Variants in STOX2 observed in about 807,000 individuals in gnomAD.
STOX2 encodes storkhead-box protein 2.
Under a neutral mutation model 60.9 loss-of-function variants are expected in STOX2, and 28 were observed. The observed-to-expected ratio is 0.46, with a 90% CI of 0.34 to 0.63. The LOEUF is 0.63. STOX2 is among the 30% of genes least tolerant of loss of function. The pLI is 0.01. For synonymous variants in STOX2, 472 were observed against 463.9 expected (o/e 1.02, Z -0.22); for missense variants, 1,024 against 1,187.7 (o/e 0.86, Z 2.03).
rs1739295211 is a variant in STOX2 at position 183,821,150 on chromosome 4, T to G, written c.364+23095T>G. On this transcript the variant is annotated intron_variant, in intron 1 of 2. Transcript: ENST00000513034. The surrounding 1 kb of genome is among the most constrained non-coding windows in gnomAD (Gnocchi z 4.2). Reference sequence around the variant, plus strand: ...AAAAAGAAAAAAGAGATTTTTCTCTTCACGGTTCTGTTGAGTTCCTGGCCC... The same window carrying G: ...AAAAAGAAAAAAGAGATTTTTCTCTGCACGGTTCTGTTGAGTTCCTGGCCC... 6.6e-6 allele frequency among the ~76,000 whole-genome samples: 1 copy of G among 152,178 alleles called. No individual in the cohort carries two copies. The highest frequency in any genetic ancestry group is 2.4e-5 in the African/African-American group (1 of 41,432).
In STOX2 at chr4:184,010,128, C is replaced by G. The variant is rs758763049; in HGVS notation, c.1290C>G (p.Leu430=). ...NFIMHSNTNV[L]ESHFPMTPEW... ...TCATGCACAGCAACACAAACGTGCT[C>G]GAGTCCCACTTCCCCATGACACCAG... Residue 430 remains leucine, a synonymous_variant, in exon 3 of 4, where the codon CTC becomes CTG. Transcript: ENST00000308497. This position sits in a 1 kb window ranked among gnomAD's most constrained non-coding sequence, Gnocchi z 4.5. 43 of 1,576,484 alleles carry G rather than the reference C, an allele frequency of 2.7e-5. No homozygotes were observed. Among genetic ancestry groups the G allele is most frequent in the Non-Finnish European group, 3.5e-5 (41 of 1,160,604 alleles).
intron 1 of STOX2, among the ~76,000 whole-genome samples, chr4:183,869,929 G>A (rs1391739275): frequency 6.6e-6 from 1 of 152,054 alleles, no homozygotes; most frequent in East Asian, 1.9e-4. Flanking sequence ...CCAAGGAATG[G>A]GCGGGACCAA....
chr4:183,939,932 C>G (rs892747730), intron 1 of STOX2, among the ~76,000 whole-genome samples: 6 of 152,206 alleles, frequency 3.9e-5, no homozygotes, highest in Admixed American at 3.3e-4. Flanking sequence ...TTAATGGAAT[C>G]TCGCTCTGTC....
chr4:183,904,120 G>A (rs1741527117), upstream of STOX2, among the ~76,000 whole-genome samples: 1 of 152,152 alleles, frequency 6.6e-6, no homozygotes. Flanking sequence ...AATAGGGTTC[G>A]TGCTCCTGTG....
At chr4:183,843,987 T>A (rs1029570515) in intron 1 of STOX2, among the ~76,000 whole-genome samples, 1 of 152,240 alleles carries the variant, frequency 6.6e-6, no homozygotes, top group Non-Finnish European at 1.5e-5. Context: ...TACTTTTCTT[T>A]AATGTTACTT....
At chr4:183,895,816 T>C (rs1291448701) in intron 1 of STOX2, among the ~76,000 whole-genome samples, 2 of 152,196 alleles carry the variant, frequency 1.3e-5, no homozygotes, top group Non-Finnish European at 2.9e-5. Flanking sequence ...GACATTTTTG[T>C]AGGGTGTTGT....
At chr4:183,886,324 G>GAGGGTGAAGGTTCC (rs1276420829) in intron 1 of STOX2, among the ~76,000 whole-genome samples, 5 of 148,494 alleles carry the variant, frequency 3.4e-5, no homozygotes, top group Non-Finnish European at 3.0e-5. Context: ...GCAAGATCAG[G>GAGGGTGAAGGTTCC]GTCACTAGGA....
chr4:183,989,496 C>G (rs1733006405), intron 1 of STOX2, among the ~76,000 whole-genome samples: 1 of 152,132 alleles, frequency 6.6e-6, no homozygotes, highest in Non-Finnish European at 1.5e-5. Flanking sequence ...GCCACTGTGC[C>G]CGGCCTCGAC....
chr4:183,957,357 C>G (rs1743281100), intron 1 of STOX2, among the ~76,000 whole-genome samples: 1 of 152,024 alleles, frequency 6.6e-6, no homozygotes, highest in Non-Finnish European at 1.5e-5. Context: ...TTTCCAACAG[C>G]CTTTGACCCT....
chr4:183,993,070 A>G (rs969800128), intron 1 of STOX2, among the ~76,000 whole-genome samples: 7 of 152,148 alleles, frequency 4.6e-5, no homozygotes, highest in Non-Finnish European at 8.8e-5. Context: ...GTCAGGAATC[A>G]CCTCTGGCGG....
chr4:183,860,813 A>C lies in STOX2; in HGVS notation c.364+62758A>C, dbSNP rs546338860. ...CCCCCTGTATGAAAAACACTGGGGG[A>C]ATCTCTCAGACACACGGAAGGAAAA... On this transcript the variant is annotated intron_variant, in intron 1 of 2. Coordinates refer to the STOX2 transcript ENST00000513034. Among the ~76,000 whole-genome samples the C allele has an allele frequency of 6.6e-5, 10 of 152,222 alleles. No homozygotes were observed. In the South Asian group the frequency reaches 2.1e-3, roughly 32 times the overall value.
intron 1 of STOX2, among the ~76,000 whole-genome samples, chr4:183,896,434 C>G (rs1014918896): frequency 1.3e-5 from 2 of 152,158 alleles, no homozygotes; most frequent in Non-Finnish European, 2.9e-5. Context: ...CCTCCATCTC[C>G]CAGACTCAAG....
intron 1 of STOX2, among the ~76,000 whole-genome samples, chr4:183,995,954 G>A (rs1410966092): frequency 6.6e-6 from 1 of 152,060 alleles, no homozygotes; most frequent in African/African-American, 2.4e-5. Context: ...CATCCACCCG[G>A]CTACTCTTTC....
chr4:183,916,510 G>C (rs938469788), intron 1 of STOX2, among the ~76,000 whole-genome samples: 1 of 152,100 alleles, frequency 6.6e-6, no homozygotes, highest in Non-Finnish European at 1.5e-5. Context: ...CTTGGGCTTT[G>C]GGTGAATTAA....
chr4:183,818,193 A>G (rs1056687669), intron 1 of STOX2, among the ~76,000 whole-genome samples: 3 of 151,876 alleles, frequency 2.0e-5, no homozygotes, highest in South Asian at 2.1e-4. Context: ...AGGTCAGCAG[A>G]TAAACAAGTG....
chr4:183,956,720 G>T (rs1257484467), intron 1 of STOX2, among the ~76,000 whole-genome samples: 1 of 151,966 alleles, frequency 6.6e-6, no homozygotes, highest in African/African-American at 2.4e-5. Context: ...GTCTATAACT[G>T]TTTTTTAAAA....
At position 183,848,433 on chromosome 4, in the gene STOX2, A is replaced by G. The variant is rs893113835; in HGVS notation, c.364+50378A>G. Among the ~76,000 whole-genome samples, 4 of 152,328 alleles carry G rather than the reference A, an allele frequency of 2.6e-5. No homozygotes were observed. In the East Asian group the frequency reaches 5.8e-4, roughly 22 times the overall value. On this transcript the variant is annotated intron_variant, in intron 1 of 2. Coordinates refer to the STOX2 transcript ENST00000513034. ...AAGCCCCCGTCAGAAGACTTCTTAT[A>G]TTTCATTAGCCATAAATAAGTCACA...
chr4:183,898,419 T>C (rs1741389123), intron 1 of STOX2, among the ~76,000 whole-genome samples: 1 of 152,108 alleles, frequency 6.6e-6, no homozygotes, highest in South Asian at 2.1e-4. Context: ...ATGATACATT[T>C]TGTGGAATGA....
At chr4:183,970,166 GT>G (rs1743698736) in intron 1 of STOX2, among the ~76,000 whole-genome samples, 3 of 150,512 alleles carry the variant, frequency 2.0e-5, no homozygotes, top group Admixed American at 6.7e-5. Context: ...GTGTGTGTGT[GT>G]GTGTGTGTGT....
Sources: gnomAD v4.1 joint callset for allele counts (sites outside exome capture counted in the v4.1 genomes callset) on GRCh38, gnomAD v4.1.1 for gene constraint, Gnocchi (gnomAD v3.1) non-coding constraint, MANE v1.5 for transcripts, NCBI Gene and HGNC (gene_info 2026-07-23, HGNC 2026-07-21) for gene names.